Variants in SPEF2 observed in about 807,000 individuals in gnomAD.
SPEF2 encodes sperm flagellar and cilia associated 2, also known as sperm flagella and cilia-associated protein 2.
SPEF2 carries 187 observed loss-of-function variants against 224.6 expected under a neutral mutation model. The ratio of observed to expected loss-of-function variants is 0.83; its 90% CI spans 0.74 to 0.94. The LOEUF is 0.94. Ranked by LOEUF, SPEF2 falls within the 40% of genes least tolerant of loss-of-function variation. The pLI is 0.00. For missense variants in SPEF2, 2,170 were observed against 2,135.6 expected, an observed-to-expected ratio of 1.02 and a Z score of -0.32; for synonymous variants, 715 against 707.3, an observed-to-expected ratio of 1.01 and a Z score of -0.17.
Position 35,746,840 on chromosome 5 carries a change from C to CA in SPEF2, c.3330+6580dup, listed in dbSNP as rs760672288. On this transcript the variant is annotated intron_variant, in intron 23 of 36. Transcript: ENST00000356031. ...CAAAGAACACCTGGGAAATTTATCA[C>CA]AAAAAAACATCACCTAGGCACATTG... Among the ~76,000 whole-genome samples, 9 of 152,072 alleles carry CA rather than the reference C, an allele frequency of 5.9e-5. No homozygotes were observed. In the South Asian group the frequency reaches 1.0e-3, roughly 18 times the overall value.
rs1460216353 is a variant in SPEF2, at chr5:35,712,861, A to T, written c.2889A>T (p.Lys963Asn). The change falls in exon 20 of 37, where the codon AAA (lysine) becomes AAT (asparagine). Residue 963 changes from lysine (K) to asparagine (N), a missense_variant. Lys to Asn is a moderately conservative substitution (Grantham distance 94). Transcript: ENST00000356031. Reference sequence around the variant, plus strand: ...CTCTTCAGGAAGGAAAAGGGAAGAAAGGTGAGACCGCACTCAAAAGAAAAG... The same window carrying T: ...CTCTTCAGGAAGGAAAAGGGAAGAATGGTGAGACCGCACTCAAAAGAAAAG... The part of the protein sequence containing the change: ...QESLQEGKGK[K>N]GETALKRKGS... 17 of 1,613,718 alleles carry T rather than the reference A, an allele frequency of 1.1e-5. No individual in the cohort carries two copies. Among genetic ancestry groups the T allele is most frequent in the Non-Finnish European group, 1.4e-5 (17 of 1,179,940 alleles).
chr5:35,750,417 C>A (rs147088836), intron 23 of SPEF2, among the ~76,000 whole-genome samples: 11 of 152,136 alleles, frequency 7.2e-5, no homozygotes, highest in Admixed American at 3.3e-4. Flanking sequence ...AAAAGACAAC[C>A]CACAGAATGG....
Position 35,722,809 on chromosome 5 carries a change from A to T in SPEF2, c.2915-4866A>T, listed in dbSNP as rs560849530. ...TTTCATCCATGTCCCTACAAAGGAC[A>T]TGAACTCATCATTTTTTATGGCTGC... On this transcript the variant is annotated intron_variant, in intron 20 of 36. Coordinates refer to ENST00000356031, the MANE Select transcript of SPEF2 (RefSeq NM_024867.4). Among the ~76,000 whole-genome samples the T allele has an allele frequency of 6.6e-4, 100 of 151,896 alleles. 2 individuals carry two copies. In the South Asian group the frequency reaches 0.017, roughly 25 times the overall value.
intron 6 of SPEF2, among the ~76,000 whole-genome samples, chr5:35,653,178 A>G (rs557685786): frequency 6.6e-6 from 1 of 152,324 alleles, no homozygotes; most frequent in South Asian, 2.1e-4. Flanking sequence ...AATGTGCTTA[A>G]CTTTCTGTTG....
At chr5:35,727,646 A>G (rs1171975525) in intron 20 of SPEF2, 29 bp from the exon 21 acceptor site, 1 of 1,592,258 alleles carries the variant, frequency 6.3e-7, no homozygotes, top group Non-Finnish European at 8.6e-7. Context: ...ATTTACTTGT[A>G]TTGGAATAAT....
chr5:35,789,653 G>A (rs1755678580), intron 30 of SPEF2: 1 of 630,122 alleles, frequency 1.6e-6, no homozygotes, highest in Non-Finnish European at 2.8e-6. Flanking sequence ...AAAATGTGGT[G>A]AGGGCTACCG....
At chr5:35,762,065 T>C (rs2149754475) in intron 25 of SPEF2, among the ~76,000 whole-genome samples, 1 of 152,326 alleles carries the variant, frequency 6.6e-6, no homozygotes, top group South Asian at 2.1e-4. Context: ...ATAATATTAG[T>C]AGTAGTATCA....
intron 2 of SPEF2, among the ~76,000 whole-genome samples, chr5:35,630,650 T>C (rs1162270733): frequency 6.6e-6 from 1 of 151,932 alleles, no homozygotes; most frequent in Non-Finnish European, 1.5e-5. Context: ...GAGCCGAGAT[T>C]GGGCCACTGC....
chr5:35,788,531 G>C, intron 30 of SPEF2: 1 of 702,514 alleles, frequency 1.4e-6, no homozygotes, highest in Non-Finnish European at 2.6e-6. Flanking sequence ...TGCAGGAAAG[G>C]TGCACTGTCA....
At chr5:35,756,382 C>T (rs1750450174) in intron 24 of SPEF2, among the ~76,000 whole-genome samples, 1 of 152,114 alleles carries the variant, frequency 6.6e-6, no homozygotes, top group Non-Finnish European at 1.5e-5. Flanking sequence ...ATTTATTGTT[C>T]AAATAGTTGA....
intron 36 of SPEF2, among the ~76,000 whole-genome samples, chr5:35,812,938 T>C (rs1758629144): frequency 6.6e-6 from 1 of 152,222 alleles, no homozygotes; most frequent in Non-Finnish European, 1.5e-5. Flanking sequence ...GCTTTGTGTT[T>C]TCAAAGCACC....
chr5:35,694,449 A>G (rs1256257530), intron 13 of SPEF2, 86 bp downstream of exon 13: 4 of 1,231,386 alleles, frequency 3.2e-6, no homozygotes, highest in Non-Finnish European at 4.6e-6. Context: ...ACATGCTTTC[A>G]GGGAAATAAA....
At chr5:35,751,597 A>T (rs1477001733) in intron 23 of SPEF2, among the ~76,000 whole-genome samples, 1 of 152,110 alleles carries the variant, frequency 6.6e-6, no homozygotes, top group Non-Finnish European at 1.5e-5. Flanking sequence ...TAAAATAATG[A>T]TATATTGTTC....
At chr5:35,726,214 ACT>A (rs549210391) in intron 20 of SPEF2, among the ~76,000 whole-genome samples, 11 of 152,266 alleles carry the variant, frequency 7.2e-5, no homozygotes, top group African/African-American at 2.2e-4. Context: ...AAATATTCCG[ACT>A]CTCTCAGTTT....
At chr5:35,739,603 A>G (rs1747239239) in intron 21 of SPEF2, among the ~76,000 whole-genome samples, 2 of 151,878 alleles carry the variant, frequency 1.3e-5, no homozygotes, top group African/African-American at 4.8e-5. Context: ...CTGGTCTAGA[A>G]CTCCTGACCT....
intron 2 of SPEF2, among the ~76,000 whole-genome samples, chr5:35,640,445 A>G (rs192768822): frequency 8.5e-5 from 13 of 152,272 alleles, no homozygotes; most frequent in African/African-American, 2.9e-4. Flanking sequence ...CATTGATTTG[A>G]CTATCTTCTT....
At chr5:35,738,776 T>C (rs1341839073) in intron 21 of SPEF2, among the ~76,000 whole-genome samples, 1 of 151,872 alleles carries the variant, frequency 6.6e-6, no homozygotes, top group South Asian at 2.1e-4. Context: ...CACAAAAAGT[T>C]AATTTTTTCT....
At chr5:35,718,008 G>C (rs1364928273) in intron 20 of SPEF2, among the ~76,000 whole-genome samples, 1 of 152,176 alleles carries the variant, frequency 6.6e-6, no homozygotes, top group Non-Finnish European at 1.5e-5. Flanking sequence ...TTTCATGGCT[G>C]TTTATAGTTT....
intron 9 of SPEF2, 35 bp downstream of exon 9, chr5:35,667,294 G>A (rs773869506): frequency 6.0e-6 from 9 of 1,498,748 alleles, no homozygotes; most frequent in African/African-American, 1.4e-5. Context: ...GTAGAGACAC[G>A]ATAGAGAATG....
Sources: allele counts gnomAD v4.1 joint callset (sites outside exome capture counted in the v4.1 genomes callset), GRCh38; gene constraint gnomAD v4.1.1; transcripts MANE v1.5; gene names NCBI Gene and HGNC (gene_info 2026-07-23, HGNC 2026-07-21).